FOXN3: variants seen among roughly 807,000 people sequenced by gnomAD.
FOXN3 encodes the protein forkhead box N3.
In FOXN3, 7 loss-of-function variants were observed where a neutral mutation model predicts 38.4. The observed-to-expected ratio is 0.18, with a 90% CI of 0.10 to 0.34. The LOEUF is 0.34. Ranked by LOEUF, FOXN3 falls within the 10% of genes least tolerant of loss-of-function variation. FOXN3 has a pLI of 1.00. For synonymous variants in FOXN3, 230 were observed against 242.2 expected, an observed-to-expected ratio of 0.95 and a Z score of 0.47; for missense variants, 456 against 613.4, an observed-to-expected ratio of 0.74 and a Z score of 2.71.
chr14:89,276,794 T>C (rs962805527), intron 4 of FOXN3, among the ~76,000 whole-genome samples: 3 of 152,206 alleles, frequency 2.0e-5, no homozygotes, highest in African/African-American at 7.2e-5. Context: ...GGTCAGGCAG[T>C]AGCTCCTCTC....
intron 2 of FOXN3, among the ~76,000 whole-genome samples, chr14:89,386,294 G>A (rs1229560656): frequency 6.6e-6 from 1 of 152,196 alleles, no homozygotes; most frequent in Non-Finnish European, 1.5e-5. Flanking sequence ...CAACTCCCCT[G>A]ACATCGAGGA....
intron 2 of FOXN3, among the ~76,000 whole-genome samples, chr14:89,401,916 C>T (rs996700244): frequency 6.6e-6 from 1 of 152,098 alleles, no homozygotes; most frequent in African/African-American, 2.4e-5. Context: ...GAGCTTTTTC[C>T]CCTGGGAAGC....
At chr14:89,553,629 AT>A (rs1156982374) in intron 1 of FOXN3, among the ~76,000 whole-genome samples, 1 of 152,082 alleles carries the variant, frequency 6.6e-6, no homozygotes, top group Admixed American at 6.6e-5. Context: ...TACCCTGGAG[AT>A]GAATTCCCCC....
intron 2 of FOXN3, among the ~76,000 whole-genome samples, chr14:89,393,636 T>A (rs1472843801): frequency 6.6e-6 from 1 of 152,156 alleles, no homozygotes; most frequent in Admixed American, 6.5e-5. Context: ...TGGCACAAAC[T>A]GTGCACGCCA....
chr14:89,599,754 GT>G (rs1438590923), intron 1 of FOXN3, among the ~76,000 whole-genome samples: 1 of 152,066 alleles, frequency 6.6e-6, no homozygotes, highest in Admixed American at 6.6e-5. Context: ...AATTATTTGA[GT>G]TTTGGCTTCA....
At chr14:89,409,080 G>A (rs962006146) in intron 2 of FOXN3, among the ~76,000 whole-genome samples, 3 of 152,172 alleles carry the variant, frequency 2.0e-5, no homozygotes, top group Admixed American at 6.5e-5. Context: ...CCAAGAAAGA[G>A]GAGAAAAGTG....
intron 4 of FOXN3, among the ~76,000 whole-genome samples, chr14:89,186,526 A>G (rs764171006): frequency 4.6e-5 from 7 of 152,102 alleles, no homozygotes; most frequent in Non-Finnish European, 8.8e-5. Flanking sequence ...ATGAATCTAC[A>G]TAGCCATTTT....
chr14:89,207,151 G>T (rs1286814682), intron 4 of FOXN3, among the ~76,000 whole-genome samples: 1 of 151,992 alleles, frequency 6.6e-6, no homozygotes, highest in East Asian at 1.9e-4. Context: ...AACCCGGGAG[G>T]TGCAGGTTGC....
chr14:89,194,451 G>T (rs1888043738), intron 4 of FOXN3, among the ~76,000 whole-genome samples: 1 of 151,984 alleles, frequency 6.6e-6, no homozygotes, highest in Admixed American at 6.6e-5. Context: ...GACCCTCTTT[G>T]GCTCCTGGGT....
intron 1 of FOXN3, among the ~76,000 whole-genome samples, chr14:89,468,396 G>A (rs543870301): frequency 2.0e-5 from 3 of 152,254 alleles, no homozygotes; most frequent in South Asian, 4.1e-4. Context: ...GGAGGCTGCA[G>A]TGAGCCGAGA....
chr14:89,378,215 G>A lies in FOXN3; in HGVS notation c.544-27407C>T, dbSNP rs191460642. Among the ~76,000 whole-genome samples the A allele has an allele frequency of 8.0e-4, 122 of 152,324 alleles. 1 individual carries two copies. The highest frequency in any genetic ancestry group is 2.8e-3 in the African/African-American group (117 of 41,574). ...ACCTTGTGCATATTATCCATTCATTGATACAGAAAATCAAGAGCTCCCAGG... is the reference window on the plus strand; with the variant it reads ...ACCTTGTGCATATTATCCATTCATTAATACAGAAAATCAAGAGCTCCCAGG... On this transcript the variant is annotated intron_variant, in intron 2 of 5. Transcript: ENST00000557258.
intron 4 of FOXN3, among the ~76,000 whole-genome samples, chr14:89,202,881 G>C (rs140910443): frequency 3.3e-5 from 5 of 152,126 alleles, no homozygotes; most frequent in Admixed American, 6.5e-5. Context: ...GCAGGCTCAG[G>C]TATTCCTTTC....
At chr14:89,225,955 G>A (rs1884623853) in intron 4 of FOXN3, among the ~76,000 whole-genome samples, 1 of 152,190 alleles carries the variant, frequency 6.6e-6, no homozygotes, top group Non-Finnish European at 1.5e-5. Context: ...AGGTGAGGTT[G>A]TCAGATAATT....
chr14:89,453,154 G>C (rs1308109255), intron 1 of FOXN3, among the ~76,000 whole-genome samples: 1 of 151,878 alleles, frequency 6.6e-6, no homozygotes, highest in Non-Finnish European at 1.5e-5. Flanking sequence ...AGCCGAGACG[G>C]CGCCATTGCA....
At chr14:89,351,083 G>A (rs1388729928) in intron 2 of FOXN3, 2 of 235,870 alleles carry the variant, frequency 8.5e-6, no homozygotes. Context: ...AATAAAATGA[G>A]AATCTCATTG....
At chr14:89,249,804 G>A (rs1479837475) in intron 4 of FOXN3, among the ~76,000 whole-genome samples, 2 of 152,186 alleles carry the variant, frequency 1.3e-5, no homozygotes, top group Non-Finnish European at 2.9e-5. Context: ...AGGCTCTTCA[G>A]CCCATGGGCC....
chr14:89,584,010 C>A (rs549681526), intron 1 of FOXN3, among the ~76,000 whole-genome samples: 1 of 151,444 alleles, frequency 6.6e-6, no homozygotes, highest in South Asian at 2.1e-4. Context: ...GCATGTGCCA[C>A]CACCACACCC....
chr14:89,447,835 T>TTTC (rs1396186176), intron 1 of FOXN3, among the ~76,000 whole-genome samples: 4 of 147,124 alleles, frequency 2.7e-5, no homozygotes, highest in African/African-American at 5.1e-5. Context: ...TTTTTTTTTT[T>TTTC]TGAGACGGAG....
At chr14:89,341,910 T>C (rs1037821156) in intron 3 of FOXN3, among the ~76,000 whole-genome samples, 1 of 152,184 alleles carries the variant, frequency 6.6e-6, no homozygotes, top group Non-Finnish European at 1.5e-5. Context: ...TCAGGAATCC[T>C]TGGCTGGCTA....
Sources: gnomAD v4.1 joint callset for allele counts (sites outside exome capture counted in the v4.1 genomes callset) on GRCh38, gnomAD v4.1.1 for gene constraint, MANE v1.5 for transcripts, NCBI Gene and HGNC (gene_info 2026-07-23, HGNC 2026-07-21) for gene names.